The following SRP54 variants were observed in gnomAD, a reference collection of about 807,000 sequenced individuals.
SRP54 encodes signal recognition particle subunit SRP54.
In SRP54, 10 loss-of-function variants were observed where a neutral mutation model predicts 64.8. The observed-to-expected ratio is 0.15, with a 90% CI of 0.10 to 0.26. The LOEUF is 0.26. Among genes scored for constraint, SRP54 ranks in the 10% least tolerant of loss-of-function variants. SRP54 has a pLI of 1.00. For synonymous variants in SRP54, 193 were observed against 185.6 expected (o/e 1.04, Z -0.32); for missense variants, 325 against 613.7 (o/e 0.53, Z 4.97).
chr14:35,027,093 G>A (rs537553503), intron 14 of SRP54, among the ~76,000 whole-genome samples: 7 of 147,770 alleles, frequency 4.7e-5, no homozygotes, highest in South Asian at 2.1e-4. Flanking sequence ...ACAGTGGTGC[G>A]ATCTTGATTC....
intron 10 of SRP54, 61 bp downstream of exon 10, chr14:35,013,963 A>G: frequency 1.7e-6 from 2 of 1,204,012 alleles, no homozygotes; most frequent in South Asian, 1.3e-5. Flanking sequence ...CTTTAGGACA[A>G]AATAGGATTT....
intron 5 of SRP54, 47 bp from the exon 6 acceptor site, chr14:35,008,580 T>G: frequency 7.8e-7 from 1 of 1,273,982 alleles, no homozygotes; most frequent in Non-Finnish European, 1.1e-6. Context: ...ATATGTATAG[T>G]TTGTTATATT....
Position 35,028,127 on chromosome 14 carries a change from C to T in SRP54, c.1367C>T (p.Ala456Val). 4 of 1,613,014 alleles carry T rather than the reference C, an allele frequency of 2.5e-6. No homozygotes were observed. Among genetic ancestry groups the T allele is most frequent in the Non-Finnish European group, 3.4e-6 (4 of 1,179,516 alleles). The change falls in exon 15 of 16, where the codon GCA becomes GTA. Residue 456 changes from alanine (A) to valine (V), a missense_variant. Physicochemically the swap from Ala to Val is moderately conservative, Grantham distance 64. Transcript: ENST00000216774. The part of the protein sequence containing the change: ...MSKNVSQSQM[A>V]KLNQQMAKMM... Reference sequence around the variant, plus strand: ...AAGAATGTGAGCCAGTCACAGATGGCAAAATTGAACCAACAAATGGCCAAA... The same window carrying T: ...AAGAATGTGAGCCAGTCACAGATGGTAAAATTGAACCAACAAATGGCCAAA...
At chr14:34,986,366 A>G (rs1403770469) in intron 1 of SRP54, among the ~76,000 whole-genome samples, 1 of 152,192 alleles carries the variant, frequency 6.6e-6, no homozygotes, top group Non-Finnish European at 1.5e-5. Context: ...TTGATTAGGA[A>G]TTAGAACTTC....
intron 1 of SRP54, among the ~76,000 whole-genome samples, chr14:34,984,293 C>A (rs4981258): frequency 6.6e-6 from 1 of 152,092 alleles, no homozygotes; most frequent in African/African-American, 2.4e-5. Context: ...TGATTTTCTC[C>A]TATGTGCCAT....
At chr14:34,998,973 A>ATGTATG (rs2044119827) in intron 2 of SRP54, among the ~76,000 whole-genome samples, 2 of 63,658 alleles carry the variant, frequency 3.1e-5, no homozygotes, top group African/African-American at 9.2e-5. Flanking sequence ...CTTTGTGTGT[A>ATGTATG]TGTGTGTGTG....
chr14:35,001,458 A>G (rs1280251167), intron 4 of SRP54, among the ~76,000 whole-genome samples: 1 of 152,008 alleles, frequency 6.6e-6, no homozygotes, highest in Non-Finnish European at 1.5e-5. Context: ...GCCAGGACCT[A>G]TTTTTATTGT....
At chr14:35,004,360 T>C (rs75514683) in intron 4 of SRP54, among the ~76,000 whole-genome samples, 11,738 of 152,268 alleles carry the variant, frequency 0.077, 598 homozygotes, top group Non-Finnish European at 0.12. Context: ...ATGAATAAAG[T>C]TTTTTGATTA....
intron 4 of SRP54, among the ~76,000 whole-genome samples, chr14:35,004,109 G>A (rs1375182847): frequency 6.6e-6 from 1 of 151,920 alleles, no homozygotes; most frequent in African/African-American, 2.4e-5. Context: ...AATTAGCCAT[G>A]TCTAGTGGCA....
In SRP54 at chr14:35,013,591, A is replaced by G. The variant is rs2383692; in HGVS notation, c.785+97A>G. 502,688 of 1,388,158 alleles carry G rather than the reference A, an allele frequency of 0.36. 95,471 individuals carry two copies. The highest frequency in any genetic ancestry group is 0.73 in the East Asian group (31,716 of 43,714). 86.0% of individuals were successfully genotyped at this position (1,388,158 alleles called of 1,614,324 possible). A position where few individuals can be genotyped will look rare whatever the true frequency, so the allele number is the denominator to read the frequency against. ...TATTGATCATTTAAAATATGTTTCA[A>G]TAGTGAGCCTAATATGGTTTATAAA... On this transcript the variant is annotated intron_variant, in intron 9 of 15. Transcript: ENST00000216774.
intron 14 of SRP54, 55 bp from the exon 15 acceptor site, chr14:35,028,033 T>A (rs182054172): frequency 1.1e-4 from 135 of 1,180,930 alleles, no homozygotes; most frequent in East Asian, 6.8e-4. Flanking sequence ...ACCCTGATTA[T>A]ACTGATTATA....
chr14:34,986,723 TA>T (rs1331105453), intron 1 of SRP54, among the ~76,000 whole-genome samples: 1 of 151,434 alleles, frequency 6.6e-6, no homozygotes, highest in Non-Finnish European at 1.5e-5. Flanking sequence ...ACTACAAATA[TA>T]AAAAATTAGC....
At chr14:35,006,619 T>C (rs1365920385) in intron 4 of SRP54, among the ~76,000 whole-genome samples, 2 of 152,192 alleles carry the variant, frequency 1.3e-5, no homozygotes, top group Admixed American at 1.3e-4. Flanking sequence ...TACTGGAAAT[T>C]TTAAAATTCA....
Position 35,028,393 on chromosome 14 carries a change from G to A in SRP54, c.1423+210G>A, listed in dbSNP as rs544808866. The stretch of plus-strand genomic sequence containing the variant: ...ACTCCTCTGCTGCCATCTGTGTGAT[G>A]TTTGAGCAAGCTATTTAATCATCTT... On this transcript the variant is annotated intron_variant, in intron 15 of 15. Coordinates refer to ENST00000216774, the MANE Select transcript of SRP54 (RefSeq NM_003136.4). Among the ~76,000 whole-genome samples the A allele has an allele frequency of 8.5e-5, 13 of 152,292 alleles. No individual in the cohort carries two copies. The East Asian group carries it at 2.5e-3, about 29-fold the overall frequency.
intron 1 of SRP54, among the ~76,000 whole-genome samples, chr14:34,983,707 C>T (rs2043845840): frequency 6.6e-6 from 1 of 152,182 alleles, no homozygotes; most frequent in South Asian, 2.1e-4. Flanking sequence ...TTGAAACTTT[C>T]CCCTGCTGCC....
chr14:35,004,028 T>G (rs1046126731), intron 4 of SRP54, among the ~76,000 whole-genome samples: 4 of 151,864 alleles, frequency 2.6e-5, no homozygotes, highest in Non-Finnish European at 5.9e-5. Context: ...GTGGATCACC[T>G]GAGGTCAGGA....
chr14:35,022,774 A>G (rs1026810926), intron 13 of SRP54, 136 bp from the exon 14 acceptor site: 6 of 579,150 alleles, frequency 1.0e-5, no homozygotes, highest in Middle Eastern at 3.2e-4. Context: ...ATTTTGTAAT[A>G]TAAAAAGAAA....
chr14:35,009,089 T>C (rs568650719), intron 7 of SRP54, among the ~76,000 whole-genome samples: 1 of 152,028 alleles, frequency 6.6e-6, no homozygotes, highest in Non-Finnish European at 1.5e-5. Flanking sequence ...GGTTTTACCA[T>C]GTTGGCCAGG....
chr14:35,013,956 T>C lies in SRP54; in HGVS notation c.886+54T>C, dbSNP rs1054171336. 23 of 1,209,994 alleles carry C rather than the reference T, an allele frequency of 1.9e-5. No individual in the cohort carries two copies. The Admixed American group carries it at 4.5e-4, about 24-fold the overall frequency. The allele number at this position is 1,209,994 out of a possible 1,614,324, so 75.0% of individuals were successfully genotyped here. ...ATCTCCAAGAAATACGATGTATCTT[T>C]AGGACAAAATAGGATTTTAATTCTG... On this transcript the variant is annotated intron_variant, in intron 10 of 15. Transcript: ENST00000216774.
Sources: gnomAD v4.1 joint callset for allele counts (sites outside exome capture counted in the v4.1 genomes callset) on GRCh38, gnomAD v4.1.1 for gene constraint, MANE v1.5 for transcripts, NCBI Gene and HGNC (gene_info 2026-07-23, HGNC 2026-07-21) for gene names.